Variants in DCST1 observed in about 807,000 individuals in gnomAD.
DCST1 encodes DC-STAMP domain containing 1, also known as E3 ubiquitin-protein ligase DCST1.
DCST1 carries 78 observed loss-of-function variants against 89.1 expected under a neutral mutation model. That is an observed-to-expected ratio of 0.88 (90% CI 0.73 to 1.06). The LOEUF is 1.06. DCST1 is among the 50% of genes least tolerant of loss of function. The pLI is 0.00. For missense variants in DCST1, 900 were observed against 928.6 expected (o/e 0.97, Z 0.40); for synonymous variants, 364 against 371.9 (o/e 0.98, Z 0.24).
chr1:155,043,414 G>C lies in DCST1; in HGVS notation c.1077G>C (p.Val359=), dbSNP rs986001106. ...NTSWERVSTE[V]RDYVYRQEAR... is the part of the protein sequence containing the mutation. ...GCTGGGAGCGCGTGAGCACCGAGGT[G>C]CGGGACTACGTGTACCGCCAGGAGG... Residue 359 remains valine, a synonymous_variant, in exon 10 of 17, where the codon GTG becomes GTC. Coordinates refer to ENST00000295542, the MANE Select transcript of DCST1 (RefSeq NM_152494.4). The C allele has an allele frequency of 3.1e-6, 5 of 1,611,512 alleles. No individual in the cohort carries two copies. The African/African-American group carries it at 6.7e-5, about 22-fold the overall frequency.
chr1:155,036,010 A>C (rs1208921284), intron 4 of DCST1, among the ~76,000 whole-genome samples: 2 of 150,444 alleles, frequency 1.3e-5, no homozygotes, highest in African/African-American at 2.5e-5. Context: ...CCAGGGAAAA[A>C]GGAAAATGAC....
At chr1:155,035,003 T>C in intron 4 of DCST1, 1 of 479,828 alleles carries the variant, frequency 2.1e-6, no homozygotes, top group Non-Finnish European at 3.8e-6. Context: ...ATAACTCTCA[T>C]CTCTCCTGAC....
In DCST1 at chr1:155,043,262, G is replaced by T; in HGVS notation, c.1015-90G>T. 2.5e-6 allele frequency: 4 copies of T among 1,588,882 alleles called. No individual in the cohort carries two copies. The South Asian group carries it at 4.5e-5, about 18-fold the overall frequency. On this transcript the variant is annotated intron_variant, in intron 9 of 16. Coordinates refer to ENST00000295542, the MANE Select transcript of DCST1 (RefSeq NM_152494.4). ...CTGGGAGGGCCCCAGGGACACAAGT[G>T]GGGTACTGGGGAACAGATGTCATGA...
Position 155,033,937 on chromosome 1 carries a change from G to A in DCST1, c.-65-35G>A, listed in dbSNP as rs534399048. On this transcript the variant is annotated intron_variant, in intron 1 of 16. Transcript: ENST00000295542. ...CTCAGGCCTAGGCTTCCCATGAAGC[G>A]GAAGAGACAGGCAGCACCTCTCTTC... 2.1e-4 allele frequency: 313 copies of A among 1,477,192 alleles called. 3 individuals carry two copies. Among genetic ancestry groups the A allele is most frequent in the African/African-American group, 1.0e-3 (73 of 72,146 alleles). 91.5% of individuals were successfully genotyped at this position (1,477,192 alleles called of 1,614,324 possible). A position where few individuals can be genotyped will look rare whatever the true frequency, so the allele number is the denominator to read the frequency against.
At chr1:155,045,218 G>A (rs1352080973) in intron 10 of DCST1, 1 of 152,584 alleles carries the variant, frequency 6.6e-6, no homozygotes, top group Non-Finnish European at 1.5e-5. Context: ...TTTGTTTAAT[G>A]TACTTTTACA....
chr1:155,043,887 C>T (rs1057102384), intron 10 of DCST1, among the ~76,000 whole-genome samples: 1 of 152,190 alleles, frequency 6.6e-6, no homozygotes, highest in South Asian at 2.1e-4. Flanking sequence ...CTGCCTGCTG[C>T]GTTGGCAGCG....
At chr1:155,038,120 T>C (rs557806161) in intron 4 of DCST1, among the ~76,000 whole-genome samples, 11 of 152,290 alleles carry the variant, frequency 7.2e-5, no homozygotes, top group African/African-American at 2.6e-4. Flanking sequence ...GAGCCAGCCA[T>C]GTGAAGAACA....
Position 155,043,423 on chromosome 1 carries a change from C to A in DCST1, c.1086C>A (p.Tyr362Ter), listed in dbSNP as rs146174361. The A allele has an allele frequency of 6.2e-7, 1 of 1,611,356 alleles. No individual in the cohort carries two copies. The highest frequency in any genetic ancestry group is 8.5e-7 in the Non-Finnish European group (1 of 1,178,342). ...GCGTGAGCACCGAGGTGCGGGACTA[C>A]GTGTACCGCCAGGAGGCCCGGCTGG... ...WERVSTEVRD[Y>*]VYRQEARLEW... The change falls in exon 10 of 17, where the codon TAC (tyrosine) becomes TAA (stop). Residue 362 changes from tyrosine to a stop codon, truncating the protein, a stop_gained. Coordinates refer to ENST00000295542, the MANE Select transcript of DCST1 (RefSeq NM_152494.4). LOFTEE classifies it high-confidence loss of function.
intron 5 of DCST1, 116 bp downstream of exon 5, chr1:155,039,647 C>G: frequency 7.4e-7 from 1 of 1,350,384 alleles, no homozygotes; most frequent in South Asian, 1.8e-5. Context: ...GCTGCTCTAA[C>G]TCACTGTATG....
Position 155,046,384 on chromosome 1 carries a change from C to T in DCST1, c.1393C>T (p.Pro465Ser), listed in dbSNP as rs557423701. The T allele has an allele frequency of 6.2e-7, 1 of 1,614,072 alleles. No individual in the cohort carries two copies. Among genetic ancestry groups the T allele is most frequent in the African/African-American group, 1.3e-5 (1 of 74,992 alleles). The change falls in exon 13 of 17, where the codon CCC becomes TCC. Residue 465 changes from proline to serine, a missense_variant. Physicochemically the swap from Pro to Ser is moderately conservative, Grantham distance 74 (BLOSUM62 -1). Coordinates refer to ENST00000295542, the MANE Select transcript of DCST1 (RefSeq NM_152494.4). ...NVVRELLETL[P>S]ILLLLVVLCG... The stretch of plus-strand genomic sequence containing the variant: ...GGTGAGGGAGCTCCTGGAGACACTG[C>T]CCATTCTGCTGCTGCTGGTGGTGCT...
In DCST1 at chr1:155,050,928, C is replaced by T. The variant is rs1236296993; in HGVS notation, c.*60C>T. The T allele has an allele frequency of 6.4e-7, 1 of 1,568,610 alleles. No homozygotes were observed. Among genetic ancestry groups the T allele is most frequent in the East Asian group, 2.3e-5 (1 of 44,018 alleles). ...CCCGGTTAATAAAATGCCCTGTACG[C>T]TTCACGTGGGTCGGGGACTGGGGTG... On this transcript the variant is annotated 3_prime_UTR_variant, in exon 17 of 17. Transcript: ENST00000295542.
At chr1:155,035,035 T>C in intron 4 of DCST1, 1 of 366,244 alleles carries the variant, frequency 2.7e-6, no homozygotes, top group African/African-American at 2.1e-5. Context: ...CGTTTTCTGA[T>C]CCTCCTAAGA....
chr1:155,048,511 G>A (rs1660737213), intron 16 of DCST1, among the ~76,000 whole-genome samples: 1 of 152,122 alleles, frequency 6.6e-6, no homozygotes, highest in Non-Finnish European at 1.5e-5. Context: ...TGTTGGCCAG[G>A]CTGGTCTCAA....
chr1:155,045,930 C>G lies in DCST1; in HGVS notation c.1210C>G (p.Arg404Gly). The G allele has an allele frequency of 6.2e-7, 1 of 1,614,216 alleles. No individual in the cohort carries two copies. Among genetic ancestry groups the G allele is most frequent in the Non-Finnish European group, 8.5e-7 (1 of 1,180,052 alleles). ...SYMDSYNHDIRFDNIYISTYF... is the reference protein window; with the variant it reads ...SYMDSYNHDIGFDNIYISTYF... ...CATGGACAGCTATAACCATGACATT[C>G]GTTTTGACAACATCTACATCAGTAC... is the stretch of plus-strand genomic sequence containing the variant. The change falls in exon 11 of 17, where the codon CGT (arginine) becomes GGT (glycine). Residue 404 changes from arginine (R) to glycine (G), a missense_variant. Coordinates refer to ENST00000295542, the MANE Select transcript of DCST1 (RefSeq NM_152494.4).
intron 10 of DCST1, chr1:155,045,386 T>G: frequency 5.2e-6 from 1 of 192,636 alleles, no homozygotes; most frequent in South Asian, 9.8e-5. Flanking sequence ...CCAGGGTGTA[T>G]TGGGGGAGGA....
At chr1:155,043,565 C>A in intron 10 of DCST1, 56 bp downstream of exon 10, 2 of 1,509,080 alleles carry the variant, frequency 1.3e-6, no homozygotes, top group Non-Finnish European at 1.8e-6. Context: ...TGGAGCCCTG[C>A]CCTGAGGGAG....
intron 2 of DCST1, 46 bp downstream of exon 2, chr1:155,034,143 A>G (rs764223331): frequency 6.3e-7 from 1 of 1,599,644 alleles, no homozygotes. Flanking sequence ...CTCCACTCTC[A>G]TCCCATCTCT....
rs1241611967 is a variant in DCST1 at position 155,046,504 on chromosome 1, A to G, written c.1495+18A>G. 4.3e-6 allele frequency: 7 copies of G among 1,611,198 alleles called. No homozygotes were observed. The highest frequency in any genetic ancestry group is 5.9e-6 in the Non-Finnish European group (7 of 1,179,006). On this transcript the variant is annotated intron_variant, in intron 13 of 16. Transcript: ENST00000295542. ...CTTCCGCAGTAAGCCCATCCCCCAG[A>G]CACATTCCAGGCCCAAGAGACACCC... is the stretch of plus-strand genomic sequence containing the variant.
chr1:155,042,369 G>A (rs1341319792), intron 8 of DCST1, among the ~76,000 whole-genome samples: 1 of 152,218 alleles, frequency 6.6e-6, no homozygotes, highest in Non-Finnish European at 1.5e-5. Flanking sequence ...AAAGTGCTGG[G>A]ATTACAGGTG....
Sources: gnomAD v4.1 joint callset for allele counts (sites outside exome capture counted in the v4.1 genomes callset) on GRCh38, gnomAD v4.1.1 for gene constraint, MANE v1.5 for transcripts, NCBI Gene and HGNC (gene_info 2026-07-23, HGNC 2026-07-21) for gene names.